The following SLCO4A1 variants were observed in gnomAD, a reference collection of about 807,000 sequenced individuals.
SLCO4A1 encodes solute carrier organic anion transporter family member 4A1, also known as colon organic anion transporter.
A neutral mutation model predicts 64.6 loss-of-function variants in SLCO4A1; 51 were observed. The observed-to-expected ratio is 0.79, with a 90% confidence interval of 0.63 to 1.00. The LOEUF (loss-of-function observed/expected upper bound fraction) is 1.00. Among genes scored for constraint, SLCO4A1 ranks in the 50% least tolerant of loss-of-function variants. SLCO4A1 has a pLI of 0.00. For synonymous variants in SLCO4A1, 471 were observed against 444.9 expected (o/e 1.06, Z -0.74); for missense variants, 919 against 980.5 (o/e 0.94, Z 0.84).
intron 11 of SLCO4A1, among the ~76,000 whole-genome samples, 177 bp from the exon 12 acceptor site, chr20:62,671,573 C>T (rs1025902410): frequency 6.6e-6 from 1 of 151,996 alleles, no homozygotes; most frequent in Non-Finnish European, 1.5e-5. Context: ...ACAATATTGG[C>T]GTCTGCTCTA....
downstream of SLCO4A1, among the ~76,000 whole-genome samples, chr20:62,687,018 ACAATGGGAAGGGCACCCCCAAACAGGAG>A (rs1441610992): frequency 2.4e-4 from 32 of 130,742 alleles, no homozygotes; most frequent in Non-Finnish European, 4.6e-4. Context: ...CCAAACAGGC[ACAATGGGAAGGGCACCCCCAAACAGGAG>A]CAATGGGAAA....
chr20:62,675,427 T>TCCAA (rs1987544131), downstream of SLCO4A1, among the ~76,000 whole-genome samples: 1 of 152,106 alleles, frequency 6.6e-6, no homozygotes, highest in African/African-American at 2.4e-5. Flanking sequence ...CTGCAGCTCT[T>TCCAA]GAGCTCTGCT....
chr20:62,667,599 C>T (rs549336948), intron 7 of SLCO4A1, 146 bp from the exon 8 acceptor site: 498 of 900,172 alleles, frequency 5.5e-4, no homozygotes, highest in Non-Finnish European at 7.6e-4. Flanking sequence ...GAGTGCCCAG[C>T]GTGCTGGGGG....
chr20:62,668,397 C>A, intron 9 of SLCO4A1, 80 bp from the exon 10 acceptor site: 1 of 1,462,918 alleles, frequency 6.8e-7, no homozygotes, highest in Non-Finnish European at 9.6e-7. Flanking sequence ...GGGACTGGTC[C>A]AGGAGGCCAC....
downstream of SLCO4A1, among the ~76,000 whole-genome samples, chr20:62,687,698 G>A (rs1427596693): frequency 5.3e-5 from 8 of 152,192 alleles, no homozygotes; most frequent in Non-Finnish European, 1.5e-5. Context: ...CGGGGTGCAC[G>A]GGCTGTGGGG....
At chr20:62,668,742 G>A (rs1467272349) in intron 10 of SLCO4A1, among the ~76,000 whole-genome samples, 188 bp from the exon 11 acceptor site, 2 of 152,124 alleles carry the variant, frequency 1.3e-5, no homozygotes, top group Non-Finnish European at 2.9e-5. Context: ...GGAGATCATG[G>A]GAAACTCGCA....
Position 62,668,795 on chromosome 20 carries a change from C to G in SLCO4A1, c.1877-135C>G, listed in dbSNP as rs189822919. The G allele has an allele frequency of 1.3e-5, 12 of 943,216 alleles. No individual in the cohort carries two copies. The African/African-American group carries it at 1.5e-4, about 12-fold the overall frequency. The allele number at this position is 943,216 out of a possible 1,614,324, so 58.4% of individuals were successfully genotyped here. On this transcript the variant is annotated intron_variant, in intron 10 of 11. Transcript: ENST00000217159. ...CCAAAGAAAGGAACGTTTAAGCCCT[C>G]TTTGCACCCCCTGAGAACTCCAACG...
At chr20:62,654,371 C>T (rs1332884082) in intron 1 of SLCO4A1, among the ~76,000 whole-genome samples, 1 of 152,230 alleles carries the variant, frequency 6.6e-6, no homozygotes, top group Non-Finnish European at 1.5e-5. Flanking sequence ...CGTGACTGCC[C>T]GGGGAACACG....
chr20:62,680,725 C>T (rs1256917217), intron 2 of SLCO4A1, among the ~76,000 whole-genome samples: 1 of 152,136 alleles, frequency 6.6e-6, no homozygotes, highest in Non-Finnish European at 1.5e-5. Flanking sequence ...CTGGGATACA[C>T]TTGATCATGG....
At position 62,645,085 on chromosome 20, in the gene SLCO4A1, C is replaced by A. The variant is rs866287081; in HGVS notation, c.-97+2532C>A. ...AGTCCTCAGACCTTGCTGTTGCCTT[C>A]GTTCTGGGACATGGACCACTGTCTG... is the stretch of plus-strand genomic sequence containing the variant. On this transcript the variant is annotated intron_variant, in intron 1 of 11. Coordinates refer to ENST00000217159, the MANE Select transcript of SLCO4A1 (RefSeq NM_016354.4). The surrounding 1 kb of genome is among the most constrained non-coding windows in gnomAD (Gnocchi z 4.2). Among the ~76,000 whole-genome samples, 1 of 152,224 alleles carries A rather than the reference C, an allele frequency of 6.6e-6. No individual in the cohort carries two copies. The highest frequency in any genetic ancestry group is 1.5e-5 in the Non-Finnish European group (1 of 68,028).
intron 1 of SLCO4A1, among the ~76,000 whole-genome samples, chr20:62,651,018 A>G (rs1212687782): frequency 1.3e-5 from 2 of 152,134 alleles, no homozygotes; most frequent in African/African-American, 4.8e-5. Context: ...AATCCTGGAA[A>G]CTTCCTTTGG....
downstream of SLCO4A1, among the ~76,000 whole-genome samples, chr20:62,687,884 G>A (rs570359995): frequency 2.0e-5 from 3 of 152,112 alleles, no homozygotes; most frequent in Non-Finnish European, 4.4e-5. Context: ...GGGAGTGCAG[G>A]AAAAGGTACC....
intron 2 of SLCO4A1, among the ~76,000 whole-genome samples, chr20:62,658,217 A>G (rs1431379256): frequency 1.3e-5 from 2 of 152,214 alleles, no homozygotes. Context: ...TGCTCGTCCC[A>G]AGAACCCAGG....
Position 62,656,713 on chromosome 20 carries a change from G to GGCTGGTGGGCCTTCGC in SLCO4A1, c.260_275dup (p.Pro93LeufsTer49). The GGCTGGTGGGCCTTCGC allele has an allele frequency of 6.2e-7, 1 of 1,610,624 alleles. No individual in the cohort carries two copies. The highest frequency in any genetic ancestry group is 8.5e-7 in the Non-Finnish European group (1 of 1,178,956). On this transcript the variant is annotated frameshift_variant, in exon 2 of 12. Transcript: ENST00000217159. LOFTEE classifies it high-confidence loss of function. ...CTCGGCCGGGCAGAGCGTGGCGTGCGGCTGGTGGGCCTTCGCACCGCCGTG... is the reference window on the plus strand; with the variant it reads ...CTCGGCCGGGCAGAGCGTGGCGTGCGGCTGGTGGGCCTTCGCGCTGGTGGGCCTTCGCACCGCCGTG...
At chr20:62,684,845 C>T (rs1987996672) in intron 2 of SLCO4A1, among the ~76,000 whole-genome samples, 2 of 152,194 alleles carry the variant, frequency 1.3e-5, no homozygotes, top group Admixed American at 1.3e-4. Flanking sequence ...GCCCGTGCTC[C>T]ACCTCCCACC....
chr20:62,666,119 C>CCCCCCCCTTCCCCTTCCCCTTCCCCT (rs1364782406), intron 6 of SLCO4A1: 3 of 59,920 alleles, frequency 5.0e-5, no homozygotes, highest in African/African-American at 1.1e-4. Flanking sequence ...CGCCCCCCCG[C>CCCCCCCCTTCCCCTTCCCCTTCCCCT]TCCCCCTTCC....
Position 62,657,009 on chromosome 20 carries a change from G to T in SLCO4A1, c.555G>T (p.Leu185=), listed in dbSNP as rs754415029. 4 of 1,579,624 alleles carry T rather than the reference G, an allele frequency of 2.5e-6. No homozygotes were observed. In the South Asian group the frequency reaches 4.5e-5, roughly 18 times the overall value. The change falls in exon 2 of 12, where the codon CTG becomes CTT. Residue 185 remains leucine (L), a synonymous_variant. Coordinates refer to ENST00000217159, the MANE Select transcript of SLCO4A1 (RefSeq NM_016354.4). ...WGVLLMGTGS[L]VFALPHFTAG... ...TGCTGCTTATGGGCACGGGGTCGCT[G>T]GTGTTCGCGCTGCCCCACTTCACGG...
At chr20:62,666,670 G>A in intron 7 of SLCO4A1, 95 bp downstream of exon 7, 1 of 1,154,574 alleles carries the variant, frequency 8.7e-7, no homozygotes, top group Non-Finnish European at 1.3e-6. Flanking sequence ...TGGGAGAGGT[G>A]GTTTTGAAAA....
chr20:62,652,534 C>T lies in SLCO4A1; in HGVS notation c.-96-3825C>T, dbSNP rs878935183. On this transcript the variant is annotated intron_variant, in intron 1 of 11. Transcript: ENST00000217159. ...TCTTGTGTTACACATGCTCCTGGGA[C>T]GTCATCCTTGTGACAGCTCGCTTCA... Among the ~76,000 whole-genome samples, 21 of 152,338 alleles carry T rather than the reference C, an allele frequency of 1.4e-4. No homozygotes were observed. The East Asian group carries it at 3.9e-3, about 28-fold the overall frequency.
Sources: allele counts gnomAD v4.1 joint callset (sites outside exome capture counted in the v4.1 genomes callset), GRCh38; gene constraint gnomAD v4.1.1; non-coding constraint Gnocchi (gnomAD v3.1); transcripts MANE v1.5; gene names NCBI Gene and HGNC (gene_info 2026-07-23, HGNC 2026-07-21).